Variants in RYR3 observed in about 807,000 individuals in gnomAD.
The protein encoded by RYR3 is brain ryanodine receptor-calcium release channel.
RYR3 carries 207 observed loss-of-function variants against 584.3 expected under a neutral mutation model. That is an observed-to-expected ratio of 0.35 (90% CI 0.32 to 0.40). The LOEUF (loss-of-function observed/expected upper bound fraction) is 0.40. Ranked by LOEUF, RYR3 falls within the 10% of genes least tolerant of loss-of-function variation. The pLI is 1.00. For synonymous variants in RYR3, 2,416 were observed against 2,248.5 expected (o/e 1.07, Z -2.11); for missense variants, 5,616 against 6,089.2 (o/e 0.92, Z 2.59).
intron 86 of RYR3, among the ~76,000 whole-genome samples, chr15:33,831,360 A>T (rs754168514): frequency 3.9e-5 from 6 of 152,244 alleles, no homozygotes; most frequent in Non-Finnish European, 7.3e-5. Flanking sequence ...TTAAACTAAA[A>T]ATTTTTCATG....
At chr15:33,826,214 TCTTA>T (rs758928018) in intron 82 of RYR3, 34 bp from the exon 83 acceptor site, 9 of 1,606,564 alleles carry the variant, frequency 5.6e-6, no homozygotes, top group Admixed American at 3.3e-5. Flanking sequence ...TTTACAGTTT[TCTTA>T]CTTTCTATTC....
intron 1 of RYR3, among the ~76,000 whole-genome samples, chr15:33,472,986 C>T (rs956429256): frequency 2.0e-5 from 3 of 152,212 alleles, no homozygotes; most frequent in Non-Finnish European, 4.4e-5. Flanking sequence ...GAAACCCCAA[C>T]ACTTTCCCTC....
Position 33,577,922 on chromosome 15 carries a change from AG to A in RYR3, c.1269-2053del, listed in dbSNP as rs538525900. 9.8e-4 allele frequency among the ~76,000 whole-genome samples: 149 copies of A among 152,142 alleles called. 2 individuals carry two copies. The highest frequency in any genetic ancestry group is 2.9e-3 in the African/African-American group (120 of 41,466). On this transcript the variant is annotated intron_variant, in intron 12 of 103. Coordinates refer to ENST00000634891, the MANE Select transcript of RYR3 (RefSeq NM_001036.6). Reference sequence around the variant, plus strand: ...ACAAGGAACTTAAATTTACAAGAAAAGAAAAACTCATTAAAAAGTGAGCAAA... The same window carrying A: ...ACAAGGAACTTAAATTTACAAGAAAAAAAAACTCATTAAAAAGTGAGCAAA...
intron 1 of RYR3, among the ~76,000 whole-genome samples, chr15:33,365,489 C>T (rs1309057493): frequency 1.3e-5 from 2 of 152,014 alleles, no homozygotes; most frequent in East Asian, 3.9e-4. Flanking sequence ...TGCACAATTC[C>T]AGACAAGATA....
rs1179692237 is a variant in RYR3, at chr15:33,789,622, TTTTATATATATATATA to T, written c.9830+1166_9830+1181del. Among the ~76,000 whole-genome samples, 31 of 32,386 alleles carry T rather than the reference TTTTATATATATATATA, an allele frequency of 9.6e-4. 2 individuals carry two copies. Among genetic ancestry groups the T allele is most frequent in the South Asian group, 2.5e-3 (1 of 406 alleles). 21.2% of individuals were successfully genotyped at this position (32,386 alleles called of 152,430 possible). A position where few individuals can be genotyped will look rare whatever the true frequency, so the allele number is the denominator to read the frequency against. ...GTTATATGCATGTTACCAGGTTTTA[TTTTATATATATATATA>T]TATATATATATATATATATATTTTT... On this transcript the variant is annotated intron_variant, in intron 67 of 103. Transcript: ENST00000634891.
chr15:33,663,083 T>A (rs1344512873), intron 35 of RYR3, 135 bp downstream of exon 35: 4 of 749,636 alleles, frequency 5.3e-6, no homozygotes, highest in Non-Finnish European at 8.9e-6. Flanking sequence ...GAGTGCTTGA[T>A]GATTATGGTG....
At chr15:33,695,908 C>T (rs1203062122) in intron 38 of RYR3, among the ~76,000 whole-genome samples, 2 of 151,100 alleles carry the variant, frequency 1.3e-5, no homozygotes, top group East Asian at 2.0e-4. Context: ...ACCTCAGCCT[C>T]CCAAGCAGCT....
rs1316015109 is a variant in RYR3, at chr15:33,655,440, T to C, written c.4308+2557T>C. ...AGTTCAAAAAAAATAATTAATTTTT[T>C]AAAATGGCATTTGCAGCAGCAGTGA... On this transcript the variant is annotated intron_variant, in intron 32 of 103. Transcript: ENST00000634891. Among the ~76,000 whole-genome samples, 3 of 152,352 alleles carry C rather than the reference T, an allele frequency of 2.0e-5. No homozygotes were observed. In the East Asian group the frequency reaches 5.8e-4, roughly 29 times the overall value.
Position 33,644,522 on chromosome 15 carries a change from A to G in RYR3, c.3765+3A>G. 1 of 1,609,890 alleles carries G rather than the reference A, an allele frequency of 6.2e-7. No homozygotes were observed. The highest frequency in any genetic ancestry group is 8.5e-7 in the Non-Finnish European group (1 of 1,176,736). Reference sequence around the variant, plus strand: ...CAAAGGATCATCCACACATAGAGGTAATGTTACACAATGTGTGTGGCCCTG... The same window carrying G: ...CAAAGGATCATCCACACATAGAGGTGATGTTACACAATGTGTGTGGCCCTG... On this transcript the variant is annotated splice_donor_region_variant and intron_variant, in intron 28 of 103. Transcript: ENST00000634891.
Position 33,510,709 on chromosome 15 carries a change from ATAAAT to A in RYR3, c.279+6977_279+6981del, listed in dbSNP as rs548585596. ...CCTCAAAGAGCTAGGAATCATTTTG[ATAAAT>A]TAAATATTATTATAAATGAGAGGCC... On this transcript the variant is annotated intron_variant, in intron 3 of 103. Transcript: ENST00000634891. Among the ~76,000 whole-genome samples the A allele has an allele frequency of 1.6e-3, 250 of 151,762 alleles. 1 individual carries two copies. The highest frequency in any genetic ancestry group is 5.9e-3 in the African/African-American group (242 of 41,362).
chr15:33,863,314 G>C (rs1331514010), intron 102 of RYR3, among the ~76,000 whole-genome samples: 1 of 152,194 alleles, frequency 6.6e-6, no homozygotes, highest in Non-Finnish European at 1.5e-5. Flanking sequence ...CAGTAAATGA[G>C]AAGCGGAAAG....
At chr15:33,783,513 T>C (rs1247250972) in intron 65 of RYR3, among the ~76,000 whole-genome samples, 1 of 152,222 alleles carries the variant, frequency 6.6e-6, no homozygotes, top group East Asian at 1.9e-4. Context: ...TAAAGGTCAT[T>C]ATAATGGCTC....
intron 8 of RYR3, among the ~76,000 whole-genome samples, chr15:33,545,550 G>A (rs964647155): frequency 2.0e-5 from 3 of 152,064 alleles, no homozygotes; most frequent in Non-Finnish European, 4.4e-5. Context: ...AAGCGTGAAG[G>A]GTTTGAGACT....
chr15:33,749,635 C>G (rs574407112), intron 55 of RYR3, among the ~76,000 whole-genome samples: 2 of 152,288 alleles, frequency 1.3e-5, no homozygotes, highest in Middle Eastern at 3.4e-3. Flanking sequence ...CCCAACTCCC[C>G]GTCTGAGGTC....
intron 63 of RYR3, 138 bp downstream of exon 63, chr15:33,772,296 A>AAG: frequency 1.8e-6 from 1 of 564,832 alleles, no homozygotes; most frequent in South Asian, 2.5e-5. Context: ...TTAGATTAAA[A>AAG]AAGAAGAAGA....
chr15:33,803,529 T>C (rs1472057362), intron 69 of RYR3, among the ~76,000 whole-genome samples: 2 of 152,152 alleles, frequency 1.3e-5, no homozygotes, highest in African/African-American at 2.4e-5. Flanking sequence ...TTTTTTTTAA[T>C]TTTTTGAGAT....
chr15:33,786,584 G>A (rs1258910050), intron 66 of RYR3, among the ~76,000 whole-genome samples: 1 of 151,716 alleles, frequency 6.6e-6, no homozygotes, highest in Admixed American at 6.6e-5. Flanking sequence ...TTCAAAAAAA[G>A]GACAGGCTTG....
chr15:33,646,444 T>C lies in RYR3; in HGVS notation c.3859T>C (p.Tyr1287His). Residue 1287 changes from tyrosine (Y) to histidine (H), a missense_variant, in exon 29 of 104, where the codon TAT becomes CAT. Physicochemically the swap from Tyr to His is moderately conservative, Grantham distance 83. This residue lies in a region of RYR3 where 753 missense variants were observed against 741.0 expected (regional missense o/e 1.02). Coordinates refer to ENST00000634891, the MANE Select transcript of RYR3 (RefSeq NM_001036.6). ...ACAGAATAGCAATGCCGACATGATC[T>C]ATTGCCGCTTGAGCATGCCTGTCGA... ...GTQNSNADMI[Y>H]CRLSMPVECH... 1.2e-6 allele frequency: 2 copies of C among 1,613,978 alleles called. No homozygotes were observed. Among genetic ancestry groups the C allele is most frequent in the Non-Finnish European group, 1.7e-6 (2 of 1,179,856 alleles).
In RYR3 at chr15:33,390,478, A is replaced by G. The variant is rs1362124352; in HGVS notation, c.51+79382A>G. Among the ~76,000 whole-genome samples the G allele has an allele frequency of 6.6e-6, 1 of 152,178 alleles. No individual in the cohort carries two copies. The highest frequency in any genetic ancestry group is 1.9e-4 in the East Asian group (1 of 5,200). ...TGAAGTTGCTTCTCTTTATCTGTTG[A>G]TCTTATGATGCTGAAAATAGGGGAA... On this transcript the variant is annotated intron_variant, in intron 1 of 103. Coordinates refer to ENST00000634891, the MANE Select transcript of RYR3 (RefSeq NM_001036.6). The surrounding 1 kb of genome is among the most constrained non-coding windows in gnomAD (Gnocchi z 4.2).
Sources: allele counts gnomAD v4.1 joint callset (sites outside exome capture counted in the v4.1 genomes callset), GRCh38; gene constraint gnomAD v4.1.1; regional missense constraint gnomAD v4.1.1; non-coding constraint Gnocchi (gnomAD v3.1); transcripts MANE v1.5; gene names NCBI Gene and HGNC (gene_info 2026-07-23, HGNC 2026-07-21).